The following CADM2 variants were observed in gnomAD, a reference collection of about 807,000 sequenced individuals.
CADM2 encodes the protein cell adhesion molecule 2, also known as immunoglobulin superfamily member 4D.
A neutral mutation model predicts 49.8 loss-of-function variants in CADM2; 12 were observed. The ratio of observed to expected loss-of-function variants is 0.24; its 90% CI spans 0.15 to 0.39. CADM2 has a LOEUF of 0.39. CADM2 is among the 10% of genes least tolerant of loss of function. The pLI is 1.00. For synonymous variants in CADM2, 214 were observed against 175.4 expected (o/e 1.22, Z -1.74); for missense variants, 378 against 492.3 (o/e 0.77, Z 2.20).
At chr3:85,525,199 G>A (rs2061134880) in intron 1 of CADM2, among the ~76,000 whole-genome samples, 2 of 152,138 alleles carry the variant, frequency 1.3e-5, no homozygotes, top group South Asian at 4.1e-4. Context: ...TATTAAAATA[G>A]TTTTAGATTT....
At chr3:86,053,042 G>A (rs916441834) in intron 8 of CADM2, among the ~76,000 whole-genome samples, 1 of 151,724 alleles carries the variant, frequency 6.6e-6, no homozygotes, top group Non-Finnish European at 1.5e-5. Flanking sequence ...AATCTCCAAG[G>A]GTTAACTACA....
intron 1 of CADM2, among the ~76,000 whole-genome samples, chr3:85,175,170 A>AC (rs2040745225): frequency 6.6e-6 from 1 of 152,204 alleles, no homozygotes; most frequent in Non-Finnish European, 1.5e-5. Flanking sequence ...GGATGCAGAG[A>AC]TACTGAAAGC....
intron 1 of CADM2, among the ~76,000 whole-genome samples, chr3:85,000,012 G>A (rs923707546): frequency 3.3e-5 from 5 of 151,396 alleles, no homozygotes; most frequent in African/African-American, 4.9e-5. Context: ...ATCAAATTTC[G>A]GTTTTAATGT....
At chr3:85,960,484 T>C (rs1724677611) in intron 7 of CADM2, among the ~76,000 whole-genome samples, 1 of 151,938 alleles carries the variant, frequency 6.6e-6, no homozygotes, top group Admixed American at 6.6e-5. Flanking sequence ...GCATCAACTA[T>C]AGAGGAAGAC....
chr3:86,034,626 C>T (rs1734942250), intron 8 of CADM2, among the ~76,000 whole-genome samples: 1 of 152,038 alleles, frequency 6.6e-6, no homozygotes, highest in African/African-American at 2.4e-5. Flanking sequence ...TTACATTAAA[C>T]CTCTATGTTG....
intron 1 of CADM2, among the ~76,000 whole-genome samples, chr3:85,515,423 T>TTG (rs1185407500): frequency 4.4e-4 from 24 of 54,202 alleles, no homozygotes; most frequent in Admixed American, 1.2e-3. Flanking sequence ...GTTTGTTTGT[T>TTG]TCTTTTTTTT....
intron 8 of CADM2, among the ~76,000 whole-genome samples, chr3:86,003,783 T>A (rs1012867108): frequency 5.9e-5 from 9 of 152,120 alleles, no homozygotes; most frequent in Non-Finnish European, 1.3e-4. Context: ...ACTCCTGGGA[T>A]CAGGTAAGTG....
intron 1 of CADM2, among the ~76,000 whole-genome samples, chr3:85,248,623 G>T (rs777677209): frequency 3.3e-5 from 5 of 152,126 alleles, no homozygotes; most frequent in African/African-American, 4.8e-5. Context: ...TTACGTGAAT[G>T]TTCATTAATT....
intron 1 of CADM2, among the ~76,000 whole-genome samples, chr3:85,179,951 C>A (rs543122832): frequency 1.8e-4 from 28 of 151,890 alleles, no homozygotes; most frequent in Admixed American, 3.9e-4. Context: ...TTACTAAGCA[C>A]GTATTATATG....
chr3:85,054,216 G>T (rs1035416776), intron 1 of CADM2, among the ~76,000 whole-genome samples: 13 of 151,906 alleles, frequency 8.6e-5, no homozygotes. Context: ...ATCAGAAAAA[G>T]TTTCATGGGG....
intron 1 of CADM2, among the ~76,000 whole-genome samples, chr3:85,325,089 T>C (rs1171267281): frequency 1.3e-5 from 2 of 152,218 alleles, no homozygotes; most frequent in African/African-American, 4.8e-5. Context: ...ATGTTCCACA[T>C]GAAATGGTAA....
At chr3:85,076,064 C>CA (rs57738865) in intron 1 of CADM2, among the ~76,000 whole-genome samples, 1,758 of 137,568 alleles carry the variant, frequency 0.013, 17 homozygotes, top group African/African-American at 0.028. Flanking sequence ...TCTGCAACTT[C>CA]AAAAAAAAAA....
chr3:86,037,677 A>T (rs1311268574), intron 8 of CADM2, among the ~76,000 whole-genome samples: 3 of 152,208 alleles, frequency 2.0e-5, no homozygotes, highest in Admixed American at 6.5e-5. Flanking sequence ...TTAAGTATTT[A>T]TTGTTAATAT....
At chr3:85,125,752 T>C (rs2039013557) in intron 1 of CADM2, among the ~76,000 whole-genome samples, 3 of 152,224 alleles carry the variant, frequency 2.0e-5, no homozygotes, top group Admixed American at 6.5e-5. Flanking sequence ...TTCATAACTG[T>C]AGCATCCTGG....
chr3:85,704,418 G>A (rs1005946172), intron 1 of CADM2, among the ~76,000 whole-genome samples: 10 of 152,168 alleles, frequency 6.6e-5, no homozygotes, highest in African/African-American at 1.7e-4. Flanking sequence ...CACAGTTCAG[G>A]AAGCTGGAAG....
intron 1 of CADM2, among the ~76,000 whole-genome samples, chr3:85,454,374 C>T (rs961980494): frequency 1.3e-5 from 2 of 151,852 alleles, no homozygotes; most frequent in Non-Finnish European, 2.9e-5. Flanking sequence ...TATAATTAAT[C>T]CTTCTAGTAC....
chr3:85,119,471 G>A (rs192383893), intron 1 of CADM2, among the ~76,000 whole-genome samples: 5 of 152,178 alleles, frequency 3.3e-5, no homozygotes, highest in Non-Finnish European at 7.4e-5. Flanking sequence ...GATTGTCTTA[G>A]GTATATGGGC....
chr3:86,032,580 A>G (rs997504286), intron 8 of CADM2, among the ~76,000 whole-genome samples: 1 of 151,896 alleles, frequency 6.6e-6, no homozygotes, highest in Admixed American at 6.6e-5. Flanking sequence ...TAGTAAAAGC[A>G]TAAGATGGAA....
At chr3:85,034,290 G>A (rs545755692) in intron 1 of CADM2, among the ~76,000 whole-genome samples, 5 of 150,116 alleles carry the variant, frequency 3.3e-5, no homozygotes, top group South Asian at 2.1e-4. Flanking sequence ...CCCACACTAC[G>A]CTTCCCAGCT....
Sources: gnomAD v4.1 joint callset for allele counts (sites outside exome capture counted in the v4.1 genomes callset) on GRCh38, gnomAD v4.1.1 for gene constraint, MANE v1.5 for transcripts, NCBI Gene and HGNC (gene_info 2026-07-23, HGNC 2026-07-21) for gene names.